LRRTM4: variants seen among roughly 807,000 people sequenced by gnomAD.
The protein encoded by LRRTM4 is leucine-rich repeat transmembrane neuronal protein 4.
Under a neutral mutation model 47.6 loss-of-function variants are expected in LRRTM4, and 25 were observed. The observed-to-expected ratio is 0.53, with a 90% CI of 0.38 to 0.73. The LOEUF (loss-of-function observed/expected upper bound fraction) is 0.73. Ranked by LOEUF, LRRTM4 falls within the 30% of genes least tolerant of loss-of-function variation. LRRTM4 has a pLI of 0.00. For missense variants in LRRTM4, 638 were observed against 713.4 expected, an observed-to-expected ratio of 0.89 and a Z score of 1.20; for synonymous variants, 311 against 269.5, an observed-to-expected ratio of 1.15 and a Z score of -1.51.
intron 3 of LRRTM4, among the ~76,000 whole-genome samples, chr2:77,502,236 TA>T (rs1678595496): frequency 6.6e-6 from 1 of 151,572 alleles, no homozygotes; most frequent in African/African-American, 2.4e-5. Flanking sequence ...TTTTGTGTAA[TA>T]AAAATGCATA....
At chr2:76,807,423 T>TAA (rs1383220341) in intron 3 of LRRTM4, among the ~76,000 whole-genome samples, 1 of 87,670 alleles carries the variant, frequency 1.1e-5, no homozygotes, top group Non-Finnish European at 2.5e-5. Context: ...TATATATATA[T>TAA]ACATATATAT....
At chr2:76,807,481 T>C (rs1004188635) in intron 3 of LRRTM4, among the ~76,000 whole-genome samples, 9 of 131,706 alleles carry the variant, frequency 6.8e-5, no homozygotes, top group Middle Eastern at 4.2e-3. Context: ...CATATATATA[T>C]ATATACATAT....
intron 3 of LRRTM4, among the ~76,000 whole-genome samples, chr2:77,068,075 T>G (rs2103818767): frequency 6.6e-6 from 1 of 152,214 alleles, no homozygotes; most frequent in Admixed American, 6.5e-5. Flanking sequence ...ATACTAGAGG[T>G]GATATATGGA....
intron 3 of LRRTM4, among the ~76,000 whole-genome samples, chr2:76,777,584 G>A (rs1361169275): frequency 6.9e-6 from 1 of 145,374 alleles, no homozygotes; most frequent in Non-Finnish European, 1.5e-5. Flanking sequence ...GTATAAGAAT[G>A]CTTGTGATTT....
At chr2:77,149,450 T>C (rs888569293) in intron 3 of LRRTM4, among the ~76,000 whole-genome samples, 2 of 152,164 alleles carry the variant, frequency 1.3e-5, no homozygotes, top group African/African-American at 4.8e-5. Flanking sequence ...CTTGGTCTAT[T>C]AAAGAAGAAG....
chr2:77,068,005 G>A (rs1017517216), intron 3 of LRRTM4, among the ~76,000 whole-genome samples: 1 of 151,722 alleles, frequency 6.6e-6, no homozygotes, highest in African/African-American at 2.4e-5. Flanking sequence ...TTTATACGGA[G>A]GATAAAGGAA....
chr2:76,937,847 T>A (rs1675010073), intron 3 of LRRTM4, among the ~76,000 whole-genome samples: 1 of 152,166 alleles, frequency 6.6e-6, no homozygotes, highest in Non-Finnish European at 1.5e-5. Context: ...ATTACAGGCA[T>A]GAGCCACTGC....
At chr2:76,890,988 G>A (rs1054894702) in intron 3 of LRRTM4, among the ~76,000 whole-genome samples, 2 of 151,758 alleles carry the variant, frequency 1.3e-5, no homozygotes, top group South Asian at 2.1e-4. Flanking sequence ...GAGACTGGTG[G>A]GTCAGAGGAA....
chr2:76,903,595 C>G (rs1207129289), intron 3 of LRRTM4, among the ~76,000 whole-genome samples: 1 of 151,992 alleles, frequency 6.6e-6, no homozygotes, highest in Non-Finnish European at 1.5e-5. Flanking sequence ...ACTACAAAAG[C>G]TTATTTTATC....
intron 3 of LRRTM4, among the ~76,000 whole-genome samples, chr2:77,223,622 G>A (rs907376287): frequency 6.6e-6 from 1 of 152,076 alleles, no homozygotes; most frequent in Non-Finnish European, 1.5e-5. Context: ...GCTTCAAAGA[G>A]AATAAAATAC....
At chr2:76,859,282 CTT>C (rs969032609) in intron 3 of LRRTM4, among the ~76,000 whole-genome samples, 1 of 151,162 alleles carries the variant, frequency 6.6e-6, no homozygotes, top group Non-Finnish European at 1.5e-5. Flanking sequence ...GTTATATATT[CTT>C]TTTTTTTCCT....
intron 3 of LRRTM4, among the ~76,000 whole-genome samples, chr2:77,507,513 T>C (rs909288650): frequency 6.6e-6 from 1 of 152,130 alleles, no homozygotes; most frequent in African/African-American, 2.4e-5. Flanking sequence ...AAAGCCACAC[T>C]GTGAGTGGTC....
chr2:77,071,561 A>T (rs535617046), intron 3 of LRRTM4, among the ~76,000 whole-genome samples: 14 of 152,220 alleles, frequency 9.2e-5, no homozygotes, highest in Non-Finnish European at 1.6e-4. Context: ...GCAATAAATT[A>T]TAATTATGCC....
intron 3 of LRRTM4, among the ~76,000 whole-genome samples, chr2:76,997,850 G>A (rs1677257084): frequency 6.6e-6 from 1 of 151,866 alleles, no homozygotes; most frequent in Non-Finnish European, 1.5e-5. Flanking sequence ...CCTCCAATCA[G>A]GTCAGTGGCA....
chr2:77,044,180 T>C (rs1173473657), intron 3 of LRRTM4, among the ~76,000 whole-genome samples: 4 of 151,832 alleles, frequency 2.6e-5, no homozygotes, highest in Non-Finnish European at 4.4e-5. Context: ...AATGCAGCAA[T>C]ACATTGCAGA....
rs760204928 is a variant in LRRTM4, at chr2:77,519,155, C to G, written c.714G>C (p.Trp238Cys). 6.2e-7 allele frequency: 1 copy of G among 1,613,044 alleles called. No homozygotes were observed. The highest frequency in any genetic ancestry group is 1.3e-5 in the African/African-American group (1 of 74,870). Residue 238 changes from tryptophan (W) to cysteine (C), a missense_variant, in exon 3 of 4, where the codon TGG (tryptophan) becomes TGC (cysteine). Physicochemically the swap from Trp to Cys is radical, Grantham distance 215. Transcript: ENST00000409884. This position sits in a 1 kb window ranked among gnomAD's most constrained non-coding sequence, Gnocchi z 4.6. ...LFNLRSIYLQ[W>C]NRIRSISQGL... ...CTTGGCTAATGGAGCGAATCCTGTT[C>G]CATTGTAAGTAAATTGAGCGGAGGT...
chr2:76,750,867 A>G (rs1052897714), intron 3 of LRRTM4, among the ~76,000 whole-genome samples: 6 of 152,308 alleles, frequency 3.9e-5, no homozygotes, highest in Non-Finnish European at 8.8e-5. Context: ...TCACCTCCTC[A>G]CAGTTTTTAA....
At chr2:77,216,459 G>C (rs757657611) in intron 3 of LRRTM4, among the ~76,000 whole-genome samples, 1 of 151,884 alleles carries the variant, frequency 6.6e-6, no homozygotes, top group African/African-American at 2.4e-5. Context: ...GAGGTCAAGA[G>C]ATCAAGACCA....
chr2:77,421,677 AGCCTGG>A (rs1674896220), intron 3 of LRRTM4, among the ~76,000 whole-genome samples: 1 of 151,924 alleles, frequency 6.6e-6, no homozygotes, highest in Non-Finnish European at 1.5e-5. Context: ...ACTGCACTCC[AGCCTGG>A]GCGGCAGAGG....
Sources: allele counts gnomAD v4.1 joint callset (sites outside exome capture counted in the v4.1 genomes callset), GRCh38; gene constraint gnomAD v4.1.1; non-coding constraint Gnocchi (gnomAD v3.1); transcripts MANE v1.5; gene names NCBI Gene and HGNC (gene_info 2026-07-23, HGNC 2026-07-21).